The following COL23A1 variants were observed in gnomAD, a reference collection of about 807,000 sequenced individuals.
The protein encoded by COL23A1 is collagen type XXIII alpha 1 chain.
COL23A1 carries 97 observed loss-of-function variants against 99.3 expected under a neutral mutation model. The observed-to-expected ratio is 0.98, with a 90% CI of 0.83 to 1.16. The LOEUF (loss-of-function observed/expected upper bound fraction) is 1.16, where lower values mean the gene tolerates loss of function less well. COL23A1 is among the 50% of genes most tolerant of loss of function. The probability of loss-of-function intolerance (pLI) is 0.00; values close to 1 mark genes in which losing one functional copy is unlikely to be tolerated. For synonymous variants in COL23A1, 320 were observed against 308.2 expected, an observed-to-expected ratio of 1.04 and a Z score of -0.40; for missense variants, 762 against 757.4, an observed-to-expected ratio of 1.01 and a Z score of -0.07.
chr5:178,564,688 C>T (rs926772376), intron 1 of COL23A1, among the ~76,000 whole-genome samples: 1 of 152,134 alleles, frequency 6.6e-6, no homozygotes, highest in African/African-American at 2.4e-5. Context: ...CTCAGGGAAT[C>T]AGGGAAATCC....
chr5:178,522,549 G>A (rs1328063313), intron 2 of COL23A1, among the ~76,000 whole-genome samples: 1 of 152,150 alleles, frequency 6.6e-6, no homozygotes, highest in African/African-American at 2.4e-5. Context: ...GTGCCTGCCC[G>A]AGATTGTGAC....
intron 2 of COL23A1, among the ~76,000 whole-genome samples, chr5:178,531,783 TTGC>T (rs948721073): frequency 4.7e-4 from 71 of 152,222 alleles, no homozygotes; most frequent in Non-Finnish European, 1.6e-4. Flanking sequence ...TAGGCTGCCC[TTGC>T]TGCGAGCGAG....
At chr5:178,321,228 C>A (rs1759287370) in intron 2 of COL23A1, among the ~76,000 whole-genome samples, 1 of 152,216 alleles carries the variant, frequency 6.6e-6, no homozygotes, top group South Asian at 2.1e-4. Flanking sequence ...CGGCCACCAG[C>A]ACCATCCCTC....
intron 2 of COL23A1, among the ~76,000 whole-genome samples, chr5:178,537,414 G>A (rs911730494): frequency 5.3e-5 from 8 of 152,252 alleles, no homozygotes; most frequent in East Asian, 1.9e-4. Flanking sequence ...GCCGGGTGGG[G>A]CTGGGTGAAG....
At chr5:178,352,068 T>C (rs1329501573) in intron 2 of COL23A1, 1 of 152,372 alleles carries the variant, frequency 6.6e-6, no homozygotes, top group East Asian at 1.9e-4. Flanking sequence ...GATTTTGTTG[T>C]GGCAGCCCTA....
In COL23A1 at chr5:178,498,226, ATATATATATATATATATATATATATATAT is replaced by A. The variant is rs1562025446; in HGVS notation, c.361+62427_361+62455del. On this transcript the variant is annotated intron_variant, in intron 2 of 28. Coordinates refer to ENST00000390654, the MANE Select transcript of COL23A1 (RefSeq NM_173465.4). ...TTTAAATATATATATATATATATAT[ATATATATATATATATATATATATATATAT>A]ATAAAAGAACTTAAAAATAAAAAAA... 1.5e-3 allele frequency among the ~76,000 whole-genome samples: 82 copies of A among 53,414 alleles called. 2 individuals are homozygous for A. Among genetic ancestry groups the A allele is most frequent in the African/African-American group, 9.7e-4 (8 of 8,274 alleles). 35.0% of individuals were successfully genotyped at this position (53,414 alleles called of 152,430 possible). A position where few individuals can be genotyped will look rare whatever the true frequency, so the allele number is the denominator to read the frequency against.
Position 178,415,927 on chromosome 5 carries a change from G to GA in COL23A1, c.362-109009dup, listed in dbSNP as rs201905805. Among the ~76,000 whole-genome samples, 556 of 152,244 alleles carry GA rather than the reference G, an allele frequency of 3.7e-3. 5 individuals carry two copies. The highest frequency in any genetic ancestry group is 0.013 in the African/African-American group (536 of 41,530). ...GATTCCAGGGCTGGATGGGACCAGA[G>GA]AGAGCTTTCAGGAGGTGAAGTCAGA... On this transcript the variant is annotated intron_variant, in intron 2 of 28. Transcript: ENST00000390654. This position sits in a 1 kb window ranked among gnomAD's most constrained non-coding sequence, Gnocchi z 4.6.
At chr5:178,286,962 C>A (rs1484401792) in intron 5 of COL23A1, among the ~76,000 whole-genome samples, 1 of 152,256 alleles carries the variant, frequency 6.6e-6, no homozygotes, top group African/African-American at 2.4e-5. Context: ...GTGAAGGGAA[C>A]TGCGTCATGC....
rs574636074 is a variant in COL23A1 at position 178,452,676 on chromosome 5, T to C, written c.361+108006A>G. 3.9e-5 allele frequency among the ~76,000 whole-genome samples: 6 copies of C among 152,218 alleles called. No homozygotes were observed. The East Asian group carries it at 9.7e-4, about 24-fold the overall frequency. ...AGAAACAAAAGCTATGATCAAACAA[T>C]TTACAGAAAAGGGAAAGAGGTTCAA... On this transcript the variant is annotated intron_variant, in intron 2 of 28. Transcript: ENST00000390654.
chr5:178,586,893 T>C (rs963779174), intron 1 of COL23A1, among the ~76,000 whole-genome samples: 9 of 151,946 alleles, frequency 5.9e-5, no homozygotes. Context: ...ATATACAGAG[T>C]TGATAAGAGA....
intron 2 of COL23A1, among the ~76,000 whole-genome samples, chr5:178,454,319 C>T (rs1413944034): frequency 6.6e-6 from 1 of 152,144 alleles, no homozygotes; most frequent in Non-Finnish European, 1.5e-5. Flanking sequence ...TGAAAAGCAA[C>T]TCAGATCAAA....
At position 178,350,173 on chromosome 5, in the gene COL23A1, G is replaced by A. The variant is rs117748129; in HGVS notation, c.362-43254C>T. The stretch of plus-strand genomic sequence containing the variant: ...CGCAGTCAGCTTCTACTCAGTCCTC[G>A]GGCCGAGCACCCATGCCACCTCCTC... On this transcript the variant is annotated intron_variant, in intron 2 of 28. Coordinates refer to ENST00000390654, the MANE Select transcript of COL23A1 (RefSeq NM_173465.4). Among the ~76,000 whole-genome samples, 39 of 152,272 alleles carry A rather than the reference G, an allele frequency of 2.6e-4. No individual in the cohort carries two copies. In the East Asian group the frequency reaches 5.8e-3, roughly 23 times the overall value.
intron 2 of COL23A1, among the ~76,000 whole-genome samples, chr5:178,546,576 G>A (rs1428617762): frequency 1.3e-5 from 2 of 152,168 alleles, no homozygotes; most frequent in African/African-American, 2.4e-5. Flanking sequence ...GCCTGGCTGC[G>A]GTGACGCGCC....
intron 2 of COL23A1, among the ~76,000 whole-genome samples, chr5:178,394,145 C>A (rs937433744): frequency 2.0e-5 from 3 of 152,228 alleles, no homozygotes; most frequent in Non-Finnish European, 2.9e-5. Context: ...GCAGGACAGG[C>A]AAGGAGGAGG....
intron 1 of COL23A1, among the ~76,000 whole-genome samples, chr5:178,570,599 TA>T (rs1763045192): frequency 6.6e-6 from 1 of 152,166 alleles, no homozygotes. Flanking sequence ...CCATTCTGCC[TA>T]AACAACATCA....
chr5:178,368,141 G>C (rs1762591574), intron 2 of COL23A1, among the ~76,000 whole-genome samples: 1 of 152,224 alleles, frequency 6.6e-6, no homozygotes, highest in African/African-American at 2.4e-5. Context: ...AGCTCAGTCT[G>C]TCTGGATCAA....
chr5:178,269,522 T>TCTAC (rs1756144414), intron 6 of COL23A1, among the ~76,000 whole-genome samples: 2 of 88,486 alleles, frequency 2.3e-5, no homozygotes, highest in African/African-American at 4.7e-5. Flanking sequence ...CACCCACCCA[T>TCTAC]CCACCCACCC....
chr5:178,578,115 ATT>A (rs555982816), intron 1 of COL23A1, among the ~76,000 whole-genome samples: 2,559 of 146,800 alleles, frequency 0.017, 79 homozygotes, highest in African/African-American at 0.063. Context: ...ACATGCACAC[ATT>A]CATGCACACA....
intron 2 of COL23A1, among the ~76,000 whole-genome samples, chr5:178,444,463 A>G (rs1218453747): frequency 6.6e-6 from 1 of 152,162 alleles, no homozygotes; most frequent in African/African-American, 2.4e-5. Flanking sequence ...TGAGAGGCAA[A>G]TGACATGAGA....
Sources: gnomAD v4.1 joint callset for allele counts (sites outside exome capture counted in the v4.1 genomes callset) on GRCh38, gnomAD v4.1.1 for gene constraint, Gnocchi (gnomAD v3.1) non-coding constraint, MANE v1.5 for transcripts, NCBI Gene and HGNC (gene_info 2026-07-23, HGNC 2026-07-21) for gene names.